The following FAM117B variants were observed in gnomAD, a reference collection of about 807,000 sequenced individuals.
The protein encoded by FAM117B is protein FAM117B.
Under a neutral mutation model 52.8 loss-of-function variants are expected in FAM117B, and 22 were observed. That is an observed-to-expected ratio of 0.42 (90% CI 0.30 to 0.59). The LOEUF is 0.59. FAM117B is among the 20% of genes least tolerant of loss of function. The pLI, the probability that FAM117B is intolerant of heterozygous loss-of-function variation, is 0.22. For synonymous variants in FAM117B, 309 were observed against 324.1 expected, an observed-to-expected ratio of 0.95 and a Z score of 0.50; for missense variants, 678 against 802.6, an observed-to-expected ratio of 0.84 and a Z score of 1.88.
intron 4 of FAM117B, among the ~76,000 whole-genome samples, chr2:202,748,525 A>C (rs1691670485): frequency 6.6e-6 from 1 of 152,160 alleles, no homozygotes; most frequent in Non-Finnish European, 1.5e-5. Flanking sequence ...CAAACTATTC[A>C]TCCAACAAGG....
At chr2:202,677,054 G>A (rs866535189) in intron 1 of FAM117B, among the ~76,000 whole-genome samples, 1 of 150,230 alleles carries the variant, frequency 6.7e-6, no homozygotes, top group South Asian at 2.1e-4. Flanking sequence ...AACCAAAGAG[G>A]TTTCTTTTCT....
At chr2:202,647,475 A>G (rs961229981) in intron 1 of FAM117B, among the ~76,000 whole-genome samples, 2 of 152,364 alleles carry the variant, frequency 1.3e-5, no homozygotes, top group African/African-American at 4.8e-5. Flanking sequence ...TTGAGCTTGA[A>G]ATGAGCACAC....
intron 2 of FAM117B, among the ~76,000 whole-genome samples, chr2:202,721,931 T>C (rs1027007484): frequency 3.3e-5 from 5 of 152,170 alleles, no homozygotes; most frequent in African/African-American, 1.2e-4. Context: ...CATGAGCCGC[T>C]GTGCCTGGCC....
At chr2:202,715,138 C>T (rs62194145) in intron 2 of FAM117B, among the ~76,000 whole-genome samples, 10,824 of 151,032 alleles carry the variant, frequency 0.072, 435 homozygotes, top group Middle Eastern at 0.097. Flanking sequence ...ACCTCCCGGA[C>T]GGGGCGGCTG....
intron 2 of FAM117B, among the ~76,000 whole-genome samples, chr2:202,724,690 A>G (rs1025368874): frequency 1.8e-4 from 28 of 152,182 alleles, no homozygotes; most frequent in African/African-American, 6.5e-4. Flanking sequence ...TAATTATGTA[A>G]AAATACTAAT....
At chr2:202,721,791 G>A (rs1691156257) in intron 2 of FAM117B, among the ~76,000 whole-genome samples, 1 of 151,828 alleles carries the variant, frequency 6.6e-6, no homozygotes, top group South Asian at 2.1e-4. Flanking sequence ...GAGTCATGAG[G>A]CCCAGCTAAT....
chr2:202,757,058 G>A (rs1256224525), intron 5 of FAM117B, among the ~76,000 whole-genome samples, 155 bp from the exon 6 acceptor site: 1 of 152,104 alleles, frequency 6.6e-6, no homozygotes, highest in Non-Finnish European at 1.5e-5. Context: ...ATTAGACAGG[G>A]ATGTCACTAA....
rs1691961330 is a variant in FAM117B at position 202,765,478 on chromosome 2, A to G, written c.1484A>G (p.Tyr495Cys). ...CAGCTTCATGAAATCCCAGCCTTTTATTGTCCTGACAAAAACAAGGTGAAT... is the reference window on the plus strand; with the variant it reads ...CAGCTTCATGAAATCCCAGCCTTTTGTTGTCCTGACAAAAACAAGGTGAAT... Reference protein sequence around the residue: ...PKQLHEIPAFYCPDKNKVNFI... With the variant: ...PKQLHEIPAFCCPDKNKVNFI... Residue 495 changes from tyrosine to cysteine, a missense_variant, in exon 8 of 8, where the codon TAT (tyrosine) becomes TGT (cysteine). Transcript: ENST00000392238. 2 of 1,612,604 alleles carry G rather than the reference A, an allele frequency of 1.2e-6. No homozygotes were observed. Among genetic ancestry groups the G allele is most frequent in the Non-Finnish European group, 1.7e-6 (2 of 1,179,764 alleles).
At chr2:202,653,318 G>A (rs12386155) in intron 1 of FAM117B, among the ~76,000 whole-genome samples, 13,594 of 152,048 alleles carry the variant, frequency 0.089, 2,047 homozygotes, top group African/African-American at 0.31. Context: ...GTGAAGACCC[G>A]TGCCCCATCC....
intron 1 of FAM117B, among the ~76,000 whole-genome samples, chr2:202,662,710 G>C (rs1013629367): frequency 6.6e-5 from 10 of 152,030 alleles, no homozygotes; most frequent in African/African-American, 2.4e-4. Flanking sequence ...GCATGGTGGT[G>C]GTGCACGCCT....
chr2:202,691,562 A>G (rs1690623627), intron 1 of FAM117B, among the ~76,000 whole-genome samples: 1 of 152,080 alleles, frequency 6.6e-6, no homozygotes, highest in South Asian at 2.1e-4. Context: ...ACCGGTAGGC[A>G]ACTGAAGCAA....
In FAM117B at chr2:202,766,070, AC is replaced by A. The variant is rs1691974076; in HGVS notation, c.*307del. On this transcript the variant is annotated 3_prime_UTR_variant, in exon 8 of 8. Transcript: ENST00000392238. ...AATTAGACTTCTTTAAAACACACAC[AC>A]ACACACACACACACACACACACACA... 5.3e-6 allele frequency: 1 copy of A among 187,610 alleles called. No homozygotes were observed. Among genetic ancestry groups the A allele is most frequent in the Admixed American group, 6.1e-5 (1 of 16,426 alleles). 11.6% of individuals were successfully genotyped at this position (187,610 alleles called of 1,614,324 possible). A position where few individuals can be genotyped will look rare whatever the true frequency, so the allele number is the denominator to read the frequency against.
chr2:202,733,998 A>G (rs1691399775), intron 4 of FAM117B, among the ~76,000 whole-genome samples: 1 of 152,144 alleles, frequency 6.6e-6, no homozygotes. Flanking sequence ...AAAAGTATTA[A>G]TTTTGGGAAC....
At position 202,741,395 on chromosome 2, in the gene FAM117B, T is replaced by G. The variant is rs529457239; in HGVS notation, c.961-14143T>G. Reference sequence around the variant, plus strand: ...ATCATGCCACTGCACTCTAGCCTGGTGACAGAGCAAGACTCTGTCTCAAAA... The same window carrying G: ...ATCATGCCACTGCACTCTAGCCTGGGGACAGAGCAAGACTCTGTCTCAAAA... On this transcript the variant is annotated intron_variant, in intron 4 of 7. Transcript: ENST00000392238. 1.6e-3 allele frequency among the ~76,000 whole-genome samples: 159 copies of G among 100,746 alleles called. 1 individual carries two copies. Among genetic ancestry groups the G allele is most frequent in the Admixed American group, 6.0e-3 (37 of 6,170 alleles). 66.1% of individuals were successfully genotyped at this position (100,746 alleles called of 152,430 possible). A position where few individuals can be genotyped will look rare whatever the true frequency, so the allele number is the denominator to read the frequency against.
intron 2 of FAM117B, among the ~76,000 whole-genome samples, chr2:202,723,468 A>G (rs905818281): frequency 2.0e-5 from 3 of 152,200 alleles, no homozygotes; most frequent in Non-Finnish European, 4.4e-5. Flanking sequence ...GATATAATTT[A>G]CACACACATG....
chr2:202,720,160 T>G (rs1043830392), intron 2 of FAM117B, among the ~76,000 whole-genome samples: 2 of 152,188 alleles, frequency 1.3e-5, no homozygotes, highest in African/African-American at 4.8e-5. Context: ...ACTATAATAG[T>G]TCCAAAGTGA....
At chr2:202,738,640 A>G (rs1381477263) in intron 4 of FAM117B, among the ~76,000 whole-genome samples, 3 of 152,178 alleles carry the variant, frequency 2.0e-5, no homozygotes, top group African/African-American at 7.2e-5. Flanking sequence ...TAACTTTTCA[A>G]TATTTGGGGG....
chr2:202,635,481 C>G lies in FAM117B; in HGVS notation c.294C>G (p.Gly98=). 9.6e-7 allele frequency: 1 copy of G among 1,036,386 alleles called. No homozygotes were observed. The highest frequency in any genetic ancestry group is 1.2e-6 in the Non-Finnish European group (1 of 866,026). The allele number at this position is 1,036,386 out of a possible 1,614,324, so 64.2% of individuals were successfully genotyped here. The part of the protein sequence containing the change: ...ASRSTSPTRG[G]GNAAARTSPT... ...GCAGCACCAGCCCCACGCGCGGCGGCGGGAACGCGGCCGCGCGCACCAGCC... is the reference window on the plus strand; with the variant it reads ...GCAGCACCAGCCCCACGCGCGGCGGGGGGAACGCGGCCGCGCGCACCAGCC... Residue 98 remains glycine, a synonymous_variant, in exon 1 of 8, where the codon GGC becomes GGG. Coordinates refer to ENST00000392238, the MANE Select transcript of FAM117B (RefSeq NM_173511.4).
chr2:202,732,282 A>G (rs1028803185), intron 4 of FAM117B, among the ~76,000 whole-genome samples: 1 of 152,204 alleles, frequency 6.6e-6, no homozygotes, highest in Non-Finnish European at 1.5e-5. Flanking sequence ...GAATTGCCAA[A>G]TGGCCCGGCA....
Sources: allele counts gnomAD v4.1 joint callset (sites outside exome capture counted in the v4.1 genomes callset), GRCh38; gene constraint gnomAD v4.1.1; transcripts MANE v1.5; gene names NCBI Gene and HGNC (gene_info 2026-07-23, HGNC 2026-07-21).